TERT: variants seen among roughly 807,000 people sequenced by gnomAD.
The protein encoded by TERT is telomerase catalytic subunit.
A neutral mutation model predicts 104.0 loss-of-function variants in TERT; 42 were observed. That is an observed-to-expected ratio of 0.40 (90% CI 0.32 to 0.52). The LOEUF is 0.52. Ranked by LOEUF, TERT falls within the 20% of genes least tolerant of loss-of-function variation. The pLI is 0.43. For synonymous variants in TERT, 781 were observed against 725.6 expected, an observed-to-expected ratio of 1.08 and a Z score of -1.23; for missense variants, 1,101 against 1,610.3, an observed-to-expected ratio of 0.68 and a Z score of 5.41.
intron 2 of TERT, among the ~76,000 whole-genome samples, chr5:1,291,726 GGCA>G (rs1156441036): frequency 2.2e-4 from 33 of 149,030 alleles, no homozygotes; most frequent in African/African-American, 6.0e-4. Flanking sequence ...GACACCTGGG[GGCA>G]ACGCCTCACT....
At chr5:1,280,061 G>A (rs1274297894) in intron 4 of TERT, 97 bp downstream of exon 4, 39 of 1,483,018 alleles carry the variant, frequency 2.6e-5, no homozygotes, top group South Asian at 8.0e-5. Flanking sequence ...GCTGTGTCCC[G>A]TGGCCCCTCC....
At chr5:1,273,945 A>G (rs1749345838) in intron 6 of TERT, among the ~76,000 whole-genome samples, 2 of 152,224 alleles carry the variant, frequency 1.3e-5, no homozygotes, top group African/African-American at 2.4e-5. Flanking sequence ...GCAGGAGAAG[A>G]GTCTGAAGAC....
Position 1,264,544 on chromosome 5 carries a change from C to T in TERT, c.2703G>A (p.Arg901=), listed in dbSNP as rs764875699. The change falls in exon 11 of 16, where the codon CGG becomes CGA. Residue 901 remains arginine, a synonymous_variant. Transcript: ENST00000310581. ...VPEYGCVVNL[R]KTVVNFPVED... is the part of the protein sequence containing the mutation. ...CTACAGGGAAGTTCACCACTGTCTT[C>T]CGCAAGTTCACCACGCAGCCATACT... is the stretch of plus-strand genomic sequence containing the variant. 3 of 1,614,022 alleles carry T rather than the reference C, an allele frequency of 1.9e-6. No homozygotes were observed. Among genetic ancestry groups the T allele is most frequent in the East Asian group, 2.2e-5 (1 of 44,892 alleles).
rs1060504794 is a variant in TERT at position 1,294,253 on chromosome 5, C to A, written c.633G>T (p.Gly211=). The A allele has an allele frequency of 3.1e-6, 5 of 1,590,912 alleles. No individual in the cohort carries two copies. In the Admixed American group the frequency reaches 8.5e-5, roughly 27 times the overall value. The change falls in exon 2 of 16, where the codon GGG becomes GGT. Residue 211 remains glycine, a synonymous_variant. Coordinates refer to ENST00000310581, the MANE Select transcript of TERT (RefSeq NM_198253.3). ...RAWNHSVREA[G]VPLGLPAPGA... is the part of the protein sequence containing the mutation. ...CCGGGGCTGGCAGGCCCAGGGGGACCCCGGCCTCCCTGACGCTATGGTTCC... is the reference window on the plus strand; with the variant it reads ...CCGGGGCTGGCAGGCCCAGGGGGACACCGGCCTCCCTGACGCTATGGTTCC...
At chr5:1,280,361 A>G (rs1336591830) in intron 3 of TERT, 23 bp from the exon 4 acceptor site, 1 of 1,609,480 alleles carries the variant, frequency 6.2e-7, no homozygotes. Flanking sequence ...GCCCCTCAGG[A>G]GGCTTGCTCA....
chr5:1,272,188 C>T lies in TERT; in HGVS notation c.2379G>A (p.Glu793=), dbSNP rs1334761065. 7.5e-6 allele frequency: 12 copies of T among 1,610,370 alleles called. 1 individual carries two copies. The South Asian group carries it at 8.9e-5, about 12-fold the overall frequency. The change falls in exon 7 of 16, where the codon GAG becomes GAA. Residue 793 remains glutamate (E), a synonymous_variant. Coordinates refer to ENST00000310581, the MANE Select transcript of TERT (RefSeq NM_198253.3). ...CCCTGCAGGGCAGTGCCCAGACCTG[C>T]TCGATGACGACGGCATCCCTCAGCG... ...TSPLRDAVVI[E]QSSSLNEASS...
rs570115140 is a variant in TERT at position 1,269,227 on chromosome 5, C to T, written c.2469-594G>A. Among the ~76,000 whole-genome samples the T allele has an allele frequency of 8.5e-5, 13 of 152,300 alleles. No individual in the cohort carries two copies. Among genetic ancestry groups the T allele is most frequent in the East Asian group, 1.9e-4 (1 of 5,176 alleles). On this transcript the variant is annotated intron_variant, in intron 8 of 15. Coordinates refer to ENST00000310581, the MANE Select transcript of TERT (RefSeq NM_198253.3). This position sits in a 1 kb window ranked among gnomAD's most constrained non-coding sequence, Gnocchi z 9.0. Reference sequence around the variant, plus strand: ...TCAGCCATCCCCAGAGCCCACAGGACGCCACTCCTGTTGCTAAGAGACGCT... The same window carrying T: ...TCAGCCATCCCCAGAGCCCACAGGATGCCACTCCTGTTGCTAAGAGACGCT...
rs1165012181 is a variant in TERT, at chr5:1,261,312, A to G, written c.2844-712T>C. Reference sequence around the variant, plus strand: ...TCAAAAATTCTTTGAAAAATGTTTAATGGCAGAGCAAGTTTTGTGATGCAT... The same window carrying G: ...TCAAAAATTCTTTGAAAAATGTTTAGTGGCAGAGCAAGTTTTGTGATGCAT... On this transcript the variant is annotated intron_variant, in intron 11 of 15. Transcript: ENST00000310581. This position sits in a 1 kb window ranked among gnomAD's most constrained non-coding sequence, Gnocchi z 7.4. Among the ~76,000 whole-genome samples, 2 of 152,244 alleles carry G rather than the reference A, an allele frequency of 1.3e-5. No individual in the cohort carries two copies. Among genetic ancestry groups the G allele is most frequent in the Non-Finnish European group, 2.9e-5 (2 of 68,038 alleles).
rs1392085279 is a variant in TERT at position 1,256,565 on chromosome 5, GC to G, written c.3033-1155del. 4.0e-5 allele frequency among the ~76,000 whole-genome samples: 6 copies of G among 148,548 alleles called. No homozygotes were observed. The Admixed American group carries it at 4.1e-4, about 10-fold the overall frequency. On this transcript the variant is annotated intron_variant, in intron 13 of 15. Coordinates refer to ENST00000310581, the MANE Select transcript of TERT (RefSeq NM_198253.3). The surrounding 1 kb of genome is among the most constrained non-coding windows in gnomAD (Gnocchi z 7.0). ...GTACCTCATCTCACCCACTGCCTGA[GC>G]CCCCCATGTACCTGGTCTCACTGAC... is the stretch of plus-strand genomic sequence containing the variant.
At chr5:1,289,659 G>A (rs1750742658) in intron 2 of TERT, among the ~76,000 whole-genome samples, 1 of 104,254 alleles carries the variant, frequency 9.6e-6, no homozygotes, top group African/African-American at 4.4e-5. Flanking sequence ...ACGTGACAGG[G>A]ACACCCGGGG....
At chr5:1,272,442 G>A (rs563483803) in intron 6 of TERT, among the ~76,000 whole-genome samples, 162 bp from the exon 7 acceptor site, 226 of 152,070 alleles carry the variant, frequency 1.5e-3, no homozygotes, top group Non-Finnish European at 2.4e-3. Context: ...AACGGGGGCC[G>A]GGGGGCCGAG....
rs367668700 is a variant in TERT at position 1,293,854 on chromosome 5, G to A, written c.1032C>T (p.Ser344=). 2 of 1,547,052 alleles carry A rather than the reference G, an allele frequency of 1.3e-6. No homozygotes were observed. Among genetic ancestry groups the A allele is most frequent in the South Asian group, 1.2e-5 (1 of 84,074 alleles). The change falls in exon 2 of 16, where the codon TCC becomes TCT. Residue 344 remains serine, a synonymous_variant. Transcript: ENST00000310581. ...SSGDKEQLRP[S]FLLSSLRPSL... Reference sequence around the variant, plus strand: ...TGGGCCTCAGAGAGCTGAGTAGGAAGGAGGGCCGCAGCTGCTCCTTGTCGC... The same window carrying A: ...TGGGCCTCAGAGAGCTGAGTAGGAAAGAGGGCCGCAGCTGCTCCTTGTCGC...
intron 3 of TERT, 53 bp downstream of exon 3, chr5:1,282,376 G>T: frequency 6.3e-7 from 1 of 1,584,668 alleles, no homozygotes; most frequent in Non-Finnish European, 8.7e-7. Flanking sequence ...GCTGAGGCCG[G>T]GCTGGTGTTC....
chr5:1,295,061 G>A lies in TERT; in HGVS notation c.-72C>T, dbSNP rs1475402448. ...CAGCGCTGCCTGAAACTCGCGCCGC[G>A]AGGAGAGGGCGGGGCCGCGGAAAGG... On this transcript the variant is annotated 5_prime_UTR_variant, in exon 1 of 16. Transcript: ENST00000310581. 5 of 1,114,106 alleles carry A rather than the reference G, an allele frequency of 4.5e-6. No homozygotes were observed. The highest frequency in any genetic ancestry group is 1.6e-5 in the African/African-American group (1 of 61,728). 69.0% of individuals were successfully genotyped at this position (1,114,106 alleles called of 1,614,324 possible). A position where few individuals can be genotyped will look rare whatever the true frequency, so the allele number is the denominator to read the frequency against.
Position 1,255,272 on chromosome 5 carries a change from G to A in TERT, c.3157+15C>T, listed in dbSNP as rs1291819720. 7.4e-6 allele frequency: 12 copies of A among 1,612,754 alleles called. No individual in the cohort carries two copies. The Admixed American group carries it at 1.0e-4, about 13-fold the overall frequency. On this transcript the variant is annotated intron_variant, in intron 14 of 15. Transcript: ENST00000310581. This position sits in a 1 kb window ranked among gnomAD's most constrained non-coding sequence, Gnocchi z 6.9. ...GCAGGCACTGCTGCCACTGAGGCCA[G>A]GCACCTGCACATACCTGCGTTCTTG...
chr5:1,253,889 C>T, intron 15 of TERT, 58 bp from the exon 16 acceptor site: 4 of 1,543,952 alleles, frequency 2.6e-6, no homozygotes, highest in Non-Finnish European at 3.5e-6. Flanking sequence ...ATCCTCCAAC[C>T]CTCCTAGGAC....
chr5:1,279,270 A>C (rs1053219509), intron 5 of TERT, 21 bp downstream of exon 5: 1 of 1,560,158 alleles, frequency 6.4e-7, no homozygotes, highest in Non-Finnish European at 8.7e-7. Context: ...AGGGCTGCTC[A>C]CGGGGGTCCC....
At chr5:1,259,565 GGACGCA>G (rs2126578289) in intron 12 of TERT, among the ~76,000 whole-genome samples, 2 of 133,006 alleles carry the variant, frequency 1.5e-5, no homozygotes, top group African/African-American at 2.9e-5. Flanking sequence ...GAGAGGGAGT[GGACGCA>G]GATGCCCACA....
rs1561211582 is a variant in TERT at position 1,291,009 on chromosome 5, TGGGGACCGCGCCTCACTCACCCTGCACGG to T, written c.1573+2275_1573+2303del. On this transcript the variant is annotated intron_variant, in intron 2 of 15. Transcript: ENST00000310581. ...TCACCCTGCACGGGACAGGGACACC[TGGGGACCGCGCCTCACTCACCCTGCACGG>T]GACAGGGACACCCGGGGACAGTGCC... 2.2e-3 allele frequency among the ~76,000 whole-genome samples: 18 copies of T among 8,272 alleles called. 2 individuals are homozygous for T. Among genetic ancestry groups the T allele is most frequent in the African/African-American group, 8.2e-3 (14 of 1,710 alleles). The allele number at this position is 8,272 out of a possible 152,430, so 5.4% of individuals were successfully genotyped here. A position where few individuals can be genotyped will look rare whatever the true frequency, so the allele number is the denominator to read the frequency against.
Sources: gnomAD v4.1 joint callset for allele counts (sites outside exome capture counted in the v4.1 genomes callset) on GRCh38, gnomAD v4.1.1 for gene constraint, Gnocchi (gnomAD v3.1) non-coding constraint, MANE v1.5 for transcripts, NCBI Gene and HGNC (gene_info 2026-07-23, HGNC 2026-07-21) for gene names.